RASAL2: variants seen among roughly 807,000 people sequenced by gnomAD.
RASAL2 encodes the protein ras GTPase-activating protein nGAP.
A neutral mutation model predicts 128.9 loss-of-function variants in RASAL2; 58 were observed. That is an observed-to-expected ratio of 0.45 (90% CI 0.36 to 0.56). The LOEUF (loss-of-function observed/expected upper bound fraction) is 0.56, where lower values mean the gene tolerates loss of function less well. RASAL2 is among the 20% of genes least tolerant of loss of function. RASAL2 has a pLI of 0.00. For missense variants in RASAL2, 1,360 were observed against 1,601.6 expected (o/e 0.85, Z 2.57); for synonymous variants, 561 against 580.8 (o/e 0.97, Z 0.49).
chr1:178,383,911 T>C (rs1672413390), intron 3 of RASAL2, among the ~76,000 whole-genome samples: 2 of 152,260 alleles, frequency 1.3e-5, no homozygotes, highest in African/African-American at 4.8e-5. Flanking sequence ...ACACTATATA[T>C]GCCAAAATTT....
In RASAL2 at chr1:178,474,492, T is replaced by C. The variant is rs1474881643; in HGVS notation, c.*1253T>C. On this transcript the variant is annotated 3_prime_UTR_variant, in exon 18 of 18. Transcript: ENST00000367649. Reference sequence around the variant, plus strand: ...GTGTCAGGATGGCACATTCCAGTTATTATTCCAATGCTCGTAGATCTGACA... The same window carrying C: ...GTGTCAGGATGGCACATTCCAGTTACTATTCCAATGCTCGTAGATCTGACA... 4 of 152,184 alleles carry C rather than the reference T, an allele frequency of 2.6e-5. No individual in the cohort carries two copies. The highest frequency in any genetic ancestry group is 6.5e-5 in the Admixed American group (1 of 15,278). The allele number at this position is 152,184 out of a possible 1,614,324, so 9.4% of individuals were successfully genotyped here.
chr1:178,325,364 G>A (rs2102348409), intron 3 of RASAL2, among the ~76,000 whole-genome samples: 1 of 152,150 alleles, frequency 6.6e-6, no homozygotes, highest in Admixed American at 6.5e-5. Context: ...AAGGCCTTTA[G>A]GTTTTTTCCC....
At chr1:178,354,135 AT>A (rs567023980) in intron 3 of RASAL2, among the ~76,000 whole-genome samples, 97 of 152,354 alleles carry the variant, frequency 6.4e-4, no homozygotes, top group African/African-American at 1.2e-3. Flanking sequence ...CCTAAAAAAA[AT>A]ATTAGCAAAT....
At chr1:178,198,943 G>C (rs1330092124) in intron 1 of RASAL2, among the ~76,000 whole-genome samples, 1 of 152,226 alleles carries the variant, frequency 6.6e-6, no homozygotes, top group East Asian at 1.9e-4. Flanking sequence ...ACAGAGGCAA[G>C]TGGTCCTCAT....
chr1:178,454,956 C>T (rs975366027), intron 12 of RASAL2, among the ~76,000 whole-genome samples: 1 of 151,842 alleles, frequency 6.6e-6, no homozygotes, highest in Non-Finnish European at 1.5e-5. Flanking sequence ...GTATATACAG[C>T]CTTATGCATG....
Position 178,194,881 on chromosome 1 carries a change from C to T in RASAL2, c.203-88683C>T, listed in dbSNP as rs1571613206. Among the ~76,000 whole-genome samples the T allele has an allele frequency of 2.6e-5, 4 of 152,292 alleles. No homozygotes were observed. The South Asian group carries it at 8.3e-4, about 32-fold the overall frequency. The stretch of plus-strand genomic sequence containing the variant: ...GGTATAACATGCCCAACCATTTTTA[C>T]TGTTCAACTTGTCATGTTCAAATGA... On this transcript the variant is annotated intron_variant, in intron 1 of 17. Transcript: ENST00000367649.
chr1:178,146,897 C>T (rs1414944897), intron 1 of RASAL2, among the ~76,000 whole-genome samples: 1 of 152,198 alleles, frequency 6.6e-6, no homozygotes, highest in African/African-American at 2.4e-5. Flanking sequence ...TCAGGCTAAC[C>T]TGCAGGTGGA....
chr1:178,155,938 T>C (rs1661070365), intron 1 of RASAL2, among the ~76,000 whole-genome samples: 2 of 152,334 alleles, frequency 1.3e-5, no homozygotes, highest in South Asian at 4.1e-4. Flanking sequence ...CAGAAACCTG[T>C]TGTAAAACAA....
chr1:178,199,093 C>T (rs2101963018), intron 1 of RASAL2, among the ~76,000 whole-genome samples: 1 of 152,306 alleles, frequency 6.6e-6, no homozygotes, highest in African/African-American at 2.4e-5. Flanking sequence ...GCTTCGTGGG[C>T]GTGGGACCCG....
At chr1:178,450,521 G>A (rs1677303094) in intron 9 of RASAL2, among the ~76,000 whole-genome samples, 1 of 152,048 alleles carries the variant, frequency 6.6e-6, no homozygotes, top group South Asian at 2.1e-4. Context: ...ATTTTTAAAA[G>A]CTTTCATTTA....
At chr1:178,141,115 T>C (rs1660509957) in intron 1 of RASAL2, among the ~76,000 whole-genome samples, 1 of 151,574 alleles carries the variant, frequency 6.6e-6, no homozygotes, top group Non-Finnish European at 1.5e-5. Context: ...AAGCCATTCA[T>C]GAGGATCCAC....
intron 1 of RASAL2, among the ~76,000 whole-genome samples, chr1:178,166,052 T>C (rs1299923792): frequency 6.6e-6 from 1 of 152,126 alleles, no homozygotes; most frequent in Admixed American, 6.6e-5. Flanking sequence ...CAAACCCAGT[T>C]TCCCTGTAAG....
intron 3 of RASAL2, among the ~76,000 whole-genome samples, chr1:178,380,141 G>A (rs982765957): frequency 6.6e-6 from 1 of 152,064 alleles, no homozygotes; most frequent in Non-Finnish European, 1.5e-5. Context: ...CACCCGCCTC[G>A]GGCCCCCAAA....
chr1:178,362,100 C>T (rs1001052662), intron 3 of RASAL2, among the ~76,000 whole-genome samples: 3 of 152,258 alleles, frequency 2.0e-5, no homozygotes, highest in East Asian at 1.9e-4. Flanking sequence ...AGTACTGCTC[C>T]GTGGCCTGGG....
intron 1 of RASAL2, among the ~76,000 whole-genome samples, chr1:178,233,994 A>G (rs942451843): frequency 3.9e-5 from 6 of 152,366 alleles, no homozygotes; most frequent in African/African-American, 1.4e-4. Context: ...ATTATAAAAC[A>G]AATATATTTA....
At position 178,094,119 on chromosome 1, in the gene RASAL2, C is replaced by T. The variant is rs1571461066; in HGVS notation, c.-374C>T. 5 of 257,544 alleles carry T rather than the reference C, an allele frequency of 1.9e-5. No individual in the cohort carries two copies. Among genetic ancestry groups the T allele is most frequent in the Non-Finnish European group, 3.7e-5 (5 of 136,298 alleles). 16.0% of individuals were successfully genotyped at this position (257,544 alleles called of 1,614,324 possible). ...ATCCCCAGCCAGAGCCTGGTCTGAC[C>T]GCGAGAGACGCCGGCGGGGCTGAAG... On this transcript the variant is annotated 5_prime_UTR_variant, in exon 1 of 18. Transcript: ENST00000367649.
rs1661624140 is a variant in RASAL2, at chr1:178,169,246, G to T, written c.202+74552G>T. On this transcript the variant is annotated intron_variant, in intron 1 of 17. Transcript: ENST00000367649. ...TATTTCCAAGTCTTATTTAATTGTG[G>T]TGGTTACTTTCTTCCCTCTATGATT... Among the ~76,000 whole-genome samples, 3 of 152,100 alleles carry T rather than the reference G, an allele frequency of 2.0e-5. No individual in the cohort carries two copies. In the South Asian group the frequency reaches 6.2e-4, roughly 32 times the overall value.
rs1489495905 is a variant in RASAL2, at chr1:178,396,553, A to AT, written c.564+6347_564+6348insT. Reference sequence around the variant, plus strand: ...TAAGCTAGAGTTAGCTATGCAAAAAAATATATATATATATTTTGGTCTTCT... The same window carrying AT: ...TAAGCTAGAGTTAGCTATGCAAAAAATATATATATATATATTTTGGTCTTCT... On this transcript the variant is annotated intron_variant, in intron 4 of 17. Coordinates refer to ENST00000367649, the MANE Select transcript of RASAL2 (RefSeq NM_170692.4). Among the ~76,000 whole-genome samples the AT allele has an allele frequency of 5.3e-5, 8 of 151,766 alleles. No homozygotes were observed. The East Asian group carries it at 7.7e-4, about 15-fold the overall frequency.
intron 3 of RASAL2, among the ~76,000 whole-genome samples, chr1:178,365,421 C>T (rs929703099): frequency 6.7e-6 from 1 of 148,384 alleles, no homozygotes; most frequent in Non-Finnish European, 1.5e-5. Context: ...TATCTATCCT[C>T]TAGTTGCCTG....
Sources: allele counts gnomAD v4.1 joint callset (sites outside exome capture counted in the v4.1 genomes callset), GRCh38; gene constraint gnomAD v4.1.1; transcripts MANE v1.5; gene names NCBI Gene and HGNC (gene_info 2026-07-23, HGNC 2026-07-21).